Variants in ACTN4 observed in about 807,000 individuals in gnomAD.
ACTN4 encodes actinin alpha 4.
ACTN4 carries 18 observed loss-of-function variants against 114.2 expected under a neutral mutation model. That is an observed-to-expected ratio of 0.16 (90% confidence interval 0.11 to 0.23). The LOEUF is 0.23. ACTN4 is among the 10% of genes least tolerant of loss of function. The pLI, the probability that ACTN4 is intolerant of heterozygous loss-of-function variation, is 1.00. For missense variants in ACTN4, 722 were observed against 1,262.9 expected (o/e 0.57, Z 6.49); for synonymous variants, 515 against 506.3 (o/e 1.02, Z -0.23).
intron 1 of ACTN4, among the ~76,000 whole-genome samples, chr19:38,649,862 G>A (rs1487264654): frequency 6.6e-6 from 1 of 152,052 alleles, no homozygotes; most frequent in African/African-American, 2.4e-5. Context: ...CATTACCAGC[G>A]TTGCTTGAAT....
At chr19:38,682,012 G>A (rs1967592571) in intron 1 of ACTN4, among the ~76,000 whole-genome samples, 1 of 152,080 alleles carries the variant, frequency 6.6e-6, no homozygotes, top group Non-Finnish European at 1.5e-5. Context: ...TGTATTTTTA[G>A]TAGAGACGGG....
At chr19:38,654,966 G>A (rs1238962779) in intron 1 of ACTN4, among the ~76,000 whole-genome samples, 1 of 152,140 alleles carries the variant, frequency 6.6e-6, no homozygotes, top group African/African-American at 2.4e-5. Flanking sequence ...ACCTGTTGTT[G>A]TGCTGGCTCC....
chr19:38,705,251 C>G (rs1450057572), intron 4 of ACTN4, among the ~76,000 whole-genome samples: 1 of 152,220 alleles, frequency 6.6e-6, no homozygotes, highest in East Asian at 1.9e-4. Flanking sequence ...AGCCTCATCT[C>G]AGTGGACCCT....
Position 38,729,019 on chromosome 19 carries a change from C to G in ACTN4, c.2442C>G (p.Ile814Met). 1 of 1,613,448 alleles carries G rather than the reference C, an allele frequency of 6.2e-7. No homozygotes were observed. The highest frequency in any genetic ancestry group is 8.5e-7 in the Non-Finnish European group (1 of 1,180,034). Residue 814 changes from isoleucine (I) to methionine (M), a missense_variant, in exon 20 of 21, where the codon ATC becomes ATG. Ile to Met is a conservative substitution (Grantham distance 10, BLOSUM62 1). Transcript: ENST00000252699. ...AGGGTGAGGCCGAGTTCAACCGCAT[C>G]ATGAGCCTGGTCGACCCCAACCATA... ...DRQGEAEFNR[I>M]MSLVDPNHSG...
At chr19:38,679,573 G>GTGTGTGTGTGTGTT (rs1253078274) in intron 1 of ACTN4, among the ~76,000 whole-genome samples, 15 of 147,370 alleles carry the variant, frequency 1.0e-4, no homozygotes, top group South Asian at 2.1e-4. Context: ...GTGTGCGTGT[G>GTGTGTGTGTGTGTT]TGTGTGTGTG....
intron 1 of ACTN4, among the ~76,000 whole-genome samples, chr19:38,670,445 C>G (rs181079629): frequency 9.7e-4 from 147 of 152,208 alleles, no homozygotes; most frequent in African/African-American, 3.5e-3. Flanking sequence ...GTTCTCTTCT[C>G]CTGGGGCTGA....
In ACTN4 at chr19:38,717,043, G is replaced by A. The variant is rs1968865024; in HGVS notation, c.913-43G>A. 1 of 1,582,310 alleles carries A rather than the reference G, an allele frequency of 6.3e-7. No individual in the cohort carries two copies. Among genetic ancestry groups the A allele is most frequent in the African/African-American group, 1.3e-5 (1 of 74,182 alleles). ...CTGGGGGGCAGCCCGTCAGCACTCT[G>A]AGGGTCCCCCACAAAGGCCACGCTG... is the stretch of plus-strand genomic sequence containing the variant. On this transcript the variant is annotated intron_variant, in intron 9 of 20. Transcript: ENST00000252699. The surrounding 1 kb of genome is among the most constrained non-coding windows in gnomAD (Gnocchi z 4.0).
At chr19:38,647,999 G>T (rs919142859) in intron 1 of ACTN4, 92 bp downstream of exon 1, 2 of 1,351,298 alleles carry the variant, frequency 1.5e-6, no homozygotes, top group South Asian at 3.3e-5. Context: ...TGGAGCGTCT[G>T]TGATGGGAAC....
In ACTN4 at chr19:38,730,667, G is replaced by T. The variant is rs2061716734; in HGVS notation, c.*1235G>T. 1.5e-6 allele frequency: 1 copy of T among 675,892 alleles called. No homozygotes were observed. Among genetic ancestry groups the T allele is most frequent in the Middle Eastern group, 4.0e-4 (1 of 2,516 alleles). 41.9% of individuals were successfully genotyped at this position (675,892 alleles called of 1,614,324 possible). ...CATCTGCTCGAGAAGGGCTGTCGCT[G>T]TTCTTGTTTCTGAGTGAGGAGTACG... On this transcript the variant is annotated 3_prime_UTR_variant, in exon 21 of 21. Coordinates refer to ENST00000252699, the MANE Select transcript of ACTN4 (RefSeq NM_004924.6).
intron 1 of ACTN4, among the ~76,000 whole-genome samples, chr19:38,691,701 G>A (rs1599806252): frequency 1.3e-5 from 2 of 152,120 alleles, no homozygotes; most frequent in African/African-American, 4.8e-5. Context: ...TCAGGAGTTC[G>A]AGACCAGCCT....
intron 11 of ACTN4, among the ~76,000 whole-genome samples, chr19:38,720,193 C>T (rs1968991557): frequency 6.6e-6 from 1 of 152,240 alleles, no homozygotes; most frequent in East Asian, 1.9e-4. Context: ...TCCCCCACAG[C>T]CCGCAGCGGG....
At position 38,729,004 on chromosome 19, in the gene ACTN4, C is replaced by T. The variant is rs373491067; in HGVS notation, c.2427C>T (p.Ala809=). The T allele has an allele frequency of 2.0e-5, 32 of 1,612,986 alleles. No individual in the cohort carries two copies. Among genetic ancestry groups the T allele is most frequent in the South Asian group, 4.4e-5 (4 of 91,058 alleles). The change falls in exon 20 of 21, where the codon GCC becomes GCT. Residue 809 remains alanine, a synonymous_variant. Transcript: ENST00000252699. ...CCACCCTCTCCTTGCAGGGTGAGGC[C>T]GAGTTCAACCGCATCATGAGCCTGG... The part of the protein sequence containing the change: ...YDVENDRQGE[A]EFNRIMSLVD...
At chr19:38,651,621 G>T (rs545302043) in intron 1 of ACTN4, among the ~76,000 whole-genome samples, 2 of 151,976 alleles carry the variant, frequency 1.3e-5, no homozygotes, top group Non-Finnish European at 2.9e-5. Flanking sequence ...AACCCTGACC[G>T]TTGGCTTTTT....
At chr19:38,695,863 C>T (rs926582924) in intron 1 of ACTN4, among the ~76,000 whole-genome samples, 5 of 152,118 alleles carry the variant, frequency 3.3e-5, no homozygotes, top group East Asian at 1.9e-4. Context: ...CCATGCTGAC[C>T]GCACTCTTCA....
At position 38,727,243 on chromosome 19, in the gene ACTN4, GCCACT is replaced by G; in HGVS notation, c.2337+141_2337+145del. ...CCACTCCCAGGGCCAGCAGGGCCCT[GCCACT>G]GTCAGGGTGTAGGTGTGCGGCACCA... is the stretch of plus-strand genomic sequence containing the variant. On this transcript the variant is annotated intron_variant, in intron 18 of 20. Transcript: ENST00000252699. This position sits in a 1 kb window ranked among gnomAD's most constrained non-coding sequence, Gnocchi z 5.4. 3.7e-6 allele frequency: 5 copies of G among 1,348,184 alleles called. No individual in the cohort carries two copies. The highest frequency in any genetic ancestry group is 5.2e-6 in the Non-Finnish European group (5 of 969,460). The allele number at this position is 1,348,184 out of a possible 1,614,324, so 83.5% of individuals were successfully genotyped here. A position where few individuals can be genotyped will look rare whatever the true frequency, so the allele number is the denominator to read the frequency against.
chr19:38,649,578 A>T (rs1166859318), intron 1 of ACTN4, among the ~76,000 whole-genome samples: 1 of 152,192 alleles, frequency 6.6e-6, no homozygotes, highest in South Asian at 2.1e-4. Flanking sequence ...GATTCTGTTA[A>T]TAAAGAGGGA....
intron 1 of ACTN4, among the ~76,000 whole-genome samples, chr19:38,680,249 G>A (rs1306440585): frequency 1.7e-5 from 2 of 118,622 alleles, no homozygotes; most frequent in South Asian, 2.8e-4. Context: ...TTTTTTTAAA[G>A]TCAGAGTCTC....
intron 17 of ACTN4, among the ~76,000 whole-genome samples, chr19:38,726,321 A>G (rs1217174406): frequency 6.6e-6 from 1 of 152,012 alleles, no homozygotes; most frequent in African/African-American, 2.4e-5. Context: ...AAAAGACTAG[A>G]TCAAAATGTT....
At chr19:38,707,844 C>T (rs576008691) in intron 5 of ACTN4, among the ~76,000 whole-genome samples, 2 of 152,336 alleles carry the variant, frequency 1.3e-5, no homozygotes, top group South Asian at 2.1e-4. Flanking sequence ...GCAGGTATGT[C>T]ACTATCCCCA....
Sources: allele counts gnomAD v4.1 joint callset (sites outside exome capture counted in the v4.1 genomes callset), GRCh38; gene constraint gnomAD v4.1.1; non-coding constraint Gnocchi (gnomAD v3.1); transcripts MANE v1.5; gene names NCBI Gene and HGNC (gene_info 2026-07-23, HGNC 2026-07-21).